FBN1: variants seen among roughly 807,000 people sequenced by gnomAD.
FBN1 encodes the protein fibrillin 1.
Under a neutral mutation model 365.1 loss-of-function variants are expected in FBN1, and 29 were observed. The ratio of observed to expected loss-of-function variants is 0.08; its 90% CI spans 0.06 to 0.11. The LOEUF is 0.11. Among genes scored for constraint, FBN1 ranks in the 10% least tolerant of loss-of-function variants. FBN1 has a pLI of 1.00. For missense variants in FBN1, 2,476 were observed against 3,703.2 expected, an observed-to-expected ratio of 0.67 and a Z score of 8.60; for synonymous variants, 1,210 against 1,270.5, an observed-to-expected ratio of 0.95 and a Z score of 1.01.
At chr15:48,636,571 G>A (rs1890096755) in intron 2 of FBN1, among the ~76,000 whole-genome samples, 1 of 152,164 alleles carries the variant, frequency 6.6e-6, no homozygotes, top group Admixed American at 6.5e-5. Context: ...CCCGGGGGCA[G>A]GTTCAGGCAG....
intron 60 of FBN1, 143 bp downstream of exon 60, chr15:48,425,226 G>C (rs1372049539): frequency 9.4e-7 from 1 of 1,065,978 alleles, no homozygotes; most frequent in Non-Finnish European, 1.5e-6. Context: ...ACAGGAGGTA[G>C]GTCCCATGGA....
In FBN1 at chr15:48,446,825, A is replaced by G. The variant is rs193922217; in HGVS notation, c.5672-3T>C. The stretch of plus-strand genomic sequence containing the variant: ...ATCTCTTTCACATTCATTTATGTCT[A>G]GTAGGAAGAAAGGCCATAAAGAAAC... On this transcript the variant is annotated splice_polypyrimidine_tract_variant and splice_region_variant and intron_variant, in intron 46 of 65. Transcript: ENST00000316623. 323 of 1,579,018 alleles carry G rather than the reference A, an allele frequency of 2.0e-4. 4 individuals are homozygous for G. In the South Asian group the frequency reaches 3.4e-3, roughly 16 times the overall value.
chr15:48,425,359 T>G lies in FBN1; in HGVS notation c.7453+10A>C. 1 of 1,614,172 alleles carries G rather than the reference T, an allele frequency of 6.2e-7. No individual in the cohort carries two copies. Among genetic ancestry groups the G allele is most frequent in the Non-Finnish European group, 8.5e-7 (1 of 1,179,998 alleles). ...AGCTAGGTGAGGGGCAATGGTCAAT[T>G]CTACTTTACCTTTGCAGCTCCTTCC... On this transcript the variant is annotated intron_variant, in intron 60 of 65. Transcript: ENST00000316623.
intron 40 of FBN1, 112 bp downstream of exon 40, chr15:48,465,456 T>TA (rs879687501): frequency 7.8e-6 from 10 of 1,286,382 alleles, no homozygotes; most frequent in African/African-American, 2.9e-5. Flanking sequence ...ATGTTCGTGT[T>TA]TAGAACATTG....
Position 48,468,595 on chromosome 15 carries a change from T to G in FBN1, c.4460-61A>C, listed in dbSNP as rs1021979210. The G allele has an allele frequency of 7.5e-6, 12 of 1,594,692 alleles. No homozygotes were observed. The Admixed American group carries it at 2.0e-4, about 27-fold the overall frequency. The stretch of plus-strand genomic sequence containing the variant: ...GAGCCAGTGTAGGCAGACATCACCA[T>G]AAAAGAACAGGGCCCAATCTAGAGC... On this transcript the variant is annotated intron_variant, in intron 36 of 65. Transcript: ENST00000316623.
chr15:48,607,557 T>C (rs2044624237), intron 4 of FBN1, among the ~76,000 whole-genome samples: 1 of 151,456 alleles, frequency 6.6e-6, no homozygotes, highest in South Asian at 2.1e-4. Context: ...GACCTGTTTG[T>C]CCCTTCTGCC....
chr15:48,553,902 T>G (rs1246985834), intron 6 of FBN1, among the ~76,000 whole-genome samples: 1 of 152,212 alleles, frequency 6.6e-6, no homozygotes, highest in Non-Finnish European at 1.5e-5. Context: ...TGAGCATTTA[T>G]GGAGCATGGT....
At chr15:48,606,319 A>AT (rs375396721) in intron 4 of FBN1, among the ~76,000 whole-genome samples, 96 of 152,324 alleles carry the variant, frequency 6.3e-4, no homozygotes, top group African/African-American at 2.2e-3. Context: ...AGAAAAAAAA[A>AT]CTGATGACAA....
At chr15:48,635,644 T>G (rs1262240708) in intron 2 of FBN1, among the ~76,000 whole-genome samples, 1 of 152,190 alleles carries the variant, frequency 6.6e-6, no homozygotes, top group Non-Finnish European at 1.5e-5. Context: ...GTTAATAAAT[T>G]AGAGTGATTG....
At chr15:48,423,935 T>C (rs974984414) in intron 60 of FBN1, among the ~76,000 whole-genome samples, 2 of 152,256 alleles carry the variant, frequency 1.3e-5, no homozygotes, top group Non-Finnish European at 2.9e-5. Context: ...TTTTCATTTT[T>C]CATCTTTTAA....
chr15:48,428,018 C>T, intron 57 of FBN1: 1 of 681,794 alleles, frequency 1.5e-6, no homozygotes, highest in Non-Finnish European at 2.7e-6. Flanking sequence ...ACTCTCTCTG[C>T]TCCCAGAAAT....
chr15:48,577,539 T>C (rs567177750), intron 6 of FBN1, among the ~76,000 whole-genome samples: 1 of 152,318 alleles, frequency 6.6e-6, no homozygotes, highest in South Asian at 2.1e-4. Flanking sequence ...TCGCCCTTTT[T>C]TTCCTCTCAT....
At chr15:48,435,786 GTGTGTGTGTGTGTGTGTGTGTGTGTA>G (rs2043066767) in intron 53 of FBN1, among the ~76,000 whole-genome samples, 5 of 95,818 alleles carry the variant, frequency 5.2e-5, no homozygotes, top group African/African-American at 2.4e-4. Context: ...GTGTGTGTGT[GTGTGTGTGTGTGTGTGTGTGTGTGTA>G]TATATGCCTT....
intron 6 of FBN1, among the ~76,000 whole-genome samples, chr15:48,574,083 C>A (rs773590493): frequency 6.6e-6 from 1 of 152,198 alleles, no homozygotes; most frequent in African/African-American, 2.4e-5. Flanking sequence ...GCCTAATTAC[C>A]TTGTTAATTA....
chr15:48,506,598 T>A (rs946431866), intron 15 of FBN1, among the ~76,000 whole-genome samples: 2 of 152,180 alleles, frequency 1.3e-5, no homozygotes, highest in African/African-American at 4.8e-5. Flanking sequence ...GGAGGTAACC[T>A]TGGTCAAAGT....
chr15:48,575,802 T>TACACACACACAC (rs58125518), intron 6 of FBN1, among the ~76,000 whole-genome samples: 49 of 140,226 alleles, frequency 3.5e-4, no homozygotes, highest in Admixed American at 1.2e-3. Context: ...AAATGTGAGA[T>TACACACACACAC]ACACACACAC....
intron 2 of FBN1, among the ~76,000 whole-genome samples, chr15:48,617,766 C>T (rs910138033): frequency 3.9e-5 from 6 of 152,180 alleles, no homozygotes; most frequent in Non-Finnish European, 2.9e-5. Flanking sequence ...CTGGCCTCTA[C>T]CACGTCTGAC....
At chr15:48,524,349 A>C (rs2043889333) in intron 9 of FBN1, among the ~76,000 whole-genome samples, 1 of 152,210 alleles carries the variant, frequency 6.6e-6, no homozygotes, top group South Asian at 2.1e-4. Flanking sequence ...CACTATCTAC[A>C]TAGGAGGTTT....
intron 2 of FBN1, chr15:48,643,462 G>A (rs1047861231): frequency 4.6e-5 from 7 of 152,238 alleles, no homozygotes; most frequent in Admixed American, 3.9e-4. Context: ...AAACTGGTCT[G>A]GTGAGTTTAC....
Sources: allele counts gnomAD v4.1 joint callset (sites outside exome capture counted in the v4.1 genomes callset), GRCh38; gene constraint gnomAD v4.1.1; transcripts MANE v1.5; gene names NCBI Gene and HGNC (gene_info 2026-07-23, HGNC 2026-07-21).